Variants in C2orf66 observed in about 807,000 individuals in gnomAD.
The protein encoded by C2orf66 is chromosome 2 open reading frame 66, also known as uncharacterized protein C2orf66.
In C2orf66, 6 loss-of-function variants were observed where a neutral mutation model predicts 7.0. That is an observed-to-expected ratio of 0.86 (90% CI 0.47 to 1.69). C2orf66 has a LOEUF of 1.69. Among genes scored for constraint, C2orf66 ranks in the 40% most tolerant of loss-of-function variants. The pLI, the probability that C2orf66 is intolerant of heterozygous loss-of-function variation, is 0.01. For missense variants in C2orf66, 107 were observed against 112.0 expected, an observed-to-expected ratio of 0.96 and a Z score of 0.20; for synonymous variants, 38 against 43.8, an observed-to-expected ratio of 0.87 and a Z score of 0.52.
the C2orf66 span, among the ~76,000 whole-genome samples, chr2:196,822,670 A>G: frequency 6.6e-6 from 1 of 151,958 alleles, no homozygotes; most frequent in African/African-American, 2.4e-5. Context: ...GTATGTTTTG[A>G]TTGACATCAA....
the C2orf66 span, among the ~76,000 whole-genome samples, chr2:196,823,018 TAAAA>T: frequency 3.6e-5 from 5 of 137,860 alleles, no homozygotes; most frequent in African/African-American, 1.1e-4. Context: ...AACTTCTTGT[TAAAA>T]AAAAAAAAAA....
At chr2:196,807,285 A>G in intron 2 of C2orf66, 139 bp downstream of exon 2, 1 of 510,170 alleles carries the variant, frequency 2.0e-6, no homozygotes, top group Non-Finnish European at 3.3e-6. Context: ...AATACTTAAT[A>G]GTAATGAGTA....
At chr2:196,811,678 GT>G (rs931031931), upstream of C2orf66, among the ~76,000 whole-genome samples, 1 of 152,148 alleles carries the variant, frequency 6.6e-6, no homozygotes, top group African/African-American at 2.4e-5. Flanking sequence ...TCCTCGTGGG[GT>G]TGGAGAGTAT....
At chr2:196,823,105 C>T in the C2orf66 span, among the ~76,000 whole-genome samples, 1 of 151,014 alleles carries the variant, frequency 6.6e-6, no homozygotes, top group Admixed American at 6.6e-5. Flanking sequence ...ATTTATGAAG[C>T]TGCTATAAAA....
At chr2:196,813,631 G>A (rs188156307), upstream of C2orf66, among the ~76,000 whole-genome samples, 57 of 152,312 alleles carry the variant, frequency 3.7e-4, no homozygotes, top group East Asian at 8.1e-3. Context: ...TGTCAACACA[G>A]TGAACAGGCA....
the C2orf66 span, among the ~76,000 whole-genome samples, chr2:196,829,686 T>G: frequency 2.6e-5 from 4 of 151,444 alleles, no homozygotes; most frequent in South Asian, 2.1e-4. Flanking sequence ...TCACGAGGTC[T>G]GGAGATAAAG....
chr2:196,825,834 C>A, the C2orf66 span, among the ~76,000 whole-genome samples: 1 of 152,142 alleles, frequency 6.6e-6, no homozygotes, highest in Non-Finnish European at 1.5e-5. Context: ...GCACACAGTC[C>A]ATAGGAGATA....
chr2:196,827,656 T>A, the C2orf66 span, among the ~76,000 whole-genome samples: 2 of 152,210 alleles, frequency 1.3e-5, no homozygotes, highest in Non-Finnish European at 2.9e-5. Context: ...GTCTTTAATA[T>A]TTCAGTCAAA....
the C2orf66 span, among the ~76,000 whole-genome samples, chr2:196,821,082 A>G: frequency 6.6e-6 from 1 of 152,176 alleles, no homozygotes; most frequent in African/African-American, 2.4e-5. Context: ...CAATGTGAGC[A>G]CAGAGCAGAG....
At chr2:196,815,471 T>C in the C2orf66 span, among the ~76,000 whole-genome samples, 1 of 152,218 alleles carries the variant, frequency 6.6e-6, no homozygotes, top group Non-Finnish European at 1.5e-5. Context: ...CCAAATTATC[T>C]AATTTGGTCT....
the C2orf66 span, among the ~76,000 whole-genome samples, chr2:196,820,412 T>C: frequency 6.6e-6 from 1 of 152,210 alleles, no homozygotes; most frequent in Non-Finnish European, 1.5e-5. Context: ...TCTCCCTTTG[T>C]TCCTTTTAAC....
At chr2:196,831,879 T>C in the C2orf66 span, 1 of 152,318 alleles carries the variant, frequency 6.6e-6, no homozygotes, top group African/African-American at 2.4e-5. Context: ...AACAAAACTT[T>C]CTTCCCTTTT....
intron 2 of C2orf66, among the ~76,000 whole-genome samples, chr2:196,805,748 C>A (rs890157272): frequency 3.9e-5 from 6 of 152,086 alleles, no homozygotes; most frequent in Non-Finnish European, 5.9e-5. Flanking sequence ...CTAGTATCTG[C>A]AATTTACAGA....
At chr2:196,816,297 A>T in the C2orf66 span, among the ~76,000 whole-genome samples, 1 of 152,144 alleles carries the variant, frequency 6.6e-6, no homozygotes, top group African/African-American at 2.4e-5. Flanking sequence ...CCCCATTGGT[A>T]TAGGGGCTTA....
chr2:196,829,633 C>T, the C2orf66 span, among the ~76,000 whole-genome samples: 1 of 151,218 alleles, frequency 6.6e-6, no homozygotes, highest in Admixed American at 6.6e-5. Flanking sequence ...TGCAGTGGCT[C>T]ACACCTGTAA....
rs909389994 is a variant in C2orf66 at position 196,805,192 on chromosome 2, A to G, written c.*236T>C. 2.0e-5 allele frequency: 3 copies of G among 152,214 alleles called. No individual in the cohort carries two copies. The East Asian group carries it at 5.8e-4, about 29-fold the overall frequency. The allele number at this position is 152,214 out of a possible 1,614,324, so 9.4% of individuals were successfully genotyped here. On this transcript the variant is annotated 3_prime_UTR_variant, in exon 3 of 3. Coordinates refer to ENST00000342506, the MANE Select transcript of C2orf66 (RefSeq NM_213608.3). The stretch of plus-strand genomic sequence containing the variant: ...CCTACAAATACATGCGGTGCTCTAC[A>G]TCAATATTTATGGTTTCATAGGAAA...
chr2:196,807,950 A>T (rs898809796), intron 1 of C2orf66, among the ~76,000 whole-genome samples: 1 of 152,336 alleles, frequency 6.6e-6, no homozygotes, highest in East Asian at 1.9e-4. Context: ...CTCCATAATA[A>T]GCAGCTCAGT....
the C2orf66 span, among the ~76,000 whole-genome samples, chr2:196,815,543 A>G: frequency 6.6e-6 from 1 of 152,224 alleles, no homozygotes; most frequent in African/African-American, 2.4e-5. Flanking sequence ...GTAGCAGGCA[A>G]AAAGGTGCTT....
At chr2:196,807,017 C>A (rs566776496) in intron 2 of C2orf66, among the ~76,000 whole-genome samples, 1 of 152,150 alleles carries the variant, frequency 6.6e-6, no homozygotes, top group African/African-American at 2.4e-5. Flanking sequence ...AAGAACCATA[C>A]TTTCAACTTT....
Sources: allele counts gnomAD v4.1 joint callset (sites outside exome capture counted in the v4.1 genomes callset), GRCh38; gene constraint gnomAD v4.1.1; transcripts MANE v1.5; gene names NCBI Gene and HGNC (gene_info 2026-07-23, HGNC 2026-07-21).